The following CARD9 variants were observed in gnomAD, a reference collection of about 807,000 sequenced individuals.
CARD9 encodes the protein caspase recruitment domain-containing protein 9.
CARD9 carries 53 observed loss-of-function variants against 66.0 expected under a neutral mutation model. That is an observed-to-expected ratio of 0.80 (90% CI 0.64 to 1.01). The LOEUF (loss-of-function observed/expected upper bound fraction) is 1.01, where lower values mean the gene tolerates loss of function less well. CARD9 is among the 50% of genes least tolerant of loss of function. The pLI is 0.00. For synonymous variants in CARD9, 387 were observed against 313.8 expected, an observed-to-expected ratio of 1.23 and a Z score of -2.47; for missense variants, 769 against 743.2, an observed-to-expected ratio of 1.03 and a Z score of -0.40.
Position 136,365,140 on chromosome 9 carries a change from C to T in CARD9, c.1434+1G>A, listed in dbSNP as rs141992399. ...AGGACCCCACCCCGGGGAAGCCTTACATGGGGGTTCCGCAAAACCTGCTCC... is the reference window on the plus strand; with the variant it reads ...AGGACCCCACCCCGGGGAAGCCTTATATGGGGGTTCCGCAAAACCTGCTCC... On this transcript the variant is annotated splice_donor_variant, in intron 11 of 12. Transcript: ENST00000371732. LOFTEE classifies it high-confidence loss of function. 4.3e-6 allele frequency: 7 copies of T among 1,612,186 alleles called. No homozygotes were observed. Among genetic ancestry groups the T allele is most frequent in the South Asian group, 2.2e-5 (2 of 91,084 alleles).
chr9:136,367,768 C>T lies in CARD9; in HGVS notation c.1138G>A (p.Ala380Thr), dbSNP rs139646302. The T allele has an allele frequency of 7.5e-6, 12 of 1,604,718 alleles. No individual in the cohort carries two copies. Among genetic ancestry groups the T allele is most frequent in the African/African-American group, 6.7e-5 (5 of 74,924 alleles). ...AGCTCCCGCACCTGCTTGCGCAGCG[C>T]GTCCTTCTCCTGCAGGCCCCGGGCG... is the stretch of plus-strand genomic sequence containing the variant. ...QHARGLQEKD[A>T]LRKQVRELGE... The change falls in exon 8 of 13, where the codon GCG (alanine) becomes ACG (threonine). Residue 380 changes from alanine to threonine, a missense_variant. Transcript: ENST00000371732.
At chr9:136,366,709 C>T (rs778875434) in intron 10 of CARD9, 91 bp downstream of exon 10, 247 of 1,375,236 alleles carry the variant, frequency 1.8e-4, no homozygotes, top group Non-Finnish European at 1.9e-4. Context: ...GGGGTTGACA[C>T]AGGCATTGCG....
In CARD9 at chr9:136,370,327, C is replaced by T. The variant is rs1158158279; in HGVS notation, c.918G>A (p.Lys306=). ...EQANTIFSLR[K]DLRQGEARRL... Reference sequence around the variant, plus strand: ...GTCGGGCCTCGCCCTGGCGGAGGTCCTTGCGCAGGGAGAAGATGGTGTTGG... The same window carrying T: ...GTCGGGCCTCGCCCTGGCGGAGGTCTTTGCGCAGGGAGAAGATGGTGTTGG... The change falls in exon 6 of 13, where the codon AAG becomes AAA. Residue 306 remains lysine, a synonymous_variant. Transcript: ENST00000371732. The T allele has an allele frequency of 6.2e-7, 1 of 1,608,534 alleles. No homozygotes were observed. The highest frequency in any genetic ancestry group is 8.5e-7 in the Non-Finnish European group (1 of 1,179,182).
Position 136,369,761 on chromosome 9 carries a change from C to A in CARD9, c.1066G>T (p.Glu356Ter). ...CTGCGAGTGCCCACCTGGTCCCGCT[C>A]AATGGCGACCTCCTCCATCTGCAGC... ...ILLQMEEVAI[E>*]RDQAIATREE... The change falls in exon 7 of 13, where the codon GAG becomes TAG. Residue 356 changes from glutamate to a stop codon, truncating the protein, a stop_gained. Coordinates refer to ENST00000371732, the MANE Select transcript of CARD9 (RefSeq NM_052813.5). LOFTEE classifies it high-confidence loss of function. 1 of 1,604,204 alleles carries A rather than the reference C, an allele frequency of 6.2e-7. No individual in the cohort carries two copies. Among genetic ancestry groups the A allele is most frequent in the East Asian group, 2.2e-5 (1 of 44,690 alleles).
Position 136,363,982 on chromosome 9 carries a change from C to G in CARD9, c.*320G>C. ...GCGGGTCACCCGTGCTGTTTATTTA[C>G]GCAGCTGTGTTTTCTAACACTAATA... is the stretch of plus-strand genomic sequence containing the variant. On this transcript the variant is annotated 3_prime_UTR_variant, in exon 13 of 13. Coordinates refer to ENST00000371732, the MANE Select transcript of CARD9 (RefSeq NM_052813.5). 8.5e-7 allele frequency: 1 copy of G among 1,176,626 alleles called. No homozygotes were observed. 72.9% of individuals were successfully genotyped at this position (1,176,626 alleles called of 1,614,324 possible). A position where few individuals can be genotyped will look rare whatever the true frequency, so the allele number is the denominator to read the frequency against.
At chr9:136,372,858 G>A (rs1833308628) in intron 1 of CARD9, among the ~76,000 whole-genome samples, 1 of 152,244 alleles carries the variant, frequency 6.6e-6, no homozygotes, top group Non-Finnish European at 1.5e-5. Context: ...GGCCAGGAGT[G>A]CTGCTGCGGT....
At chr9:136,365,284 AC>A in intron 10 of CARD9, 67 bp from the exon 11 acceptor site, 1 of 1,486,300 alleles carries the variant, frequency 6.7e-7, no homozygotes, top group Non-Finnish European at 9.2e-7. Context: ...CGGCTGCCCC[AC>A]CCCTCCCCGG....
At chr9:136,365,055 G>T in intron 11 of CARD9, 86 bp downstream of exon 11, 2 of 1,352,560 alleles carry the variant, frequency 1.5e-6, no homozygotes, top group Non-Finnish European at 2.1e-6. Context: ...CACCGCAGGG[G>T]GTGCCCAGGG....
intron 11 of CARD9, 101 bp downstream of exon 11, chr9:136,365,040 G>A (rs1393023011): frequency 6.1e-6 from 7 of 1,148,620 alleles, no homozygotes; most frequent in East Asian, 4.8e-5. Flanking sequence ...AGCTGTCGTC[G>A]GGGCCACCGC....
At chr9:136,372,149 C>T in intron 1 of CARD9, 55 bp from the exon 2 acceptor site, 1 of 1,592,542 alleles carries the variant, frequency 6.3e-7, no homozygotes. Flanking sequence ...CCCACCCGGG[C>T]CCAGCTCCCA....
intron 7 of CARD9, among the ~76,000 whole-genome samples, chr9:136,368,613 A>G (rs539155078): frequency 6.6e-6 from 1 of 152,156 alleles, no homozygotes; most frequent in South Asian, 2.1e-4. Context: ...ATTGGAAACA[A>G]CCTCCAGGAT....
chr9:136,368,693 G>T (rs970537510), intron 7 of CARD9, among the ~76,000 whole-genome samples: 2 of 152,240 alleles, frequency 1.3e-5, no homozygotes, highest in South Asian at 4.1e-4. Context: ...CTCACAGCAC[G>T]TAGCACTGGA....
At chr9:136,371,573 C>G (rs1245317021) in intron 2 of CARD9, 112 bp from the exon 3 acceptor site, 1 of 1,466,690 alleles carries the variant, frequency 6.8e-7, no homozygotes, top group Non-Finnish European at 9.1e-7. Context: ...TGAGGTGTGC[C>G]GTGGTCTGGG....
Position 136,370,319 on chromosome 9 carries a change from C to T in CARD9, c.926G>A (p.Arg309His), listed in dbSNP as rs1420017314. 1.6e-5 allele frequency: 26 copies of T among 1,607,112 alleles called. No individual in the cohort carries two copies. The highest frequency in any genetic ancestry group is 2.2e-5 in the South Asian group (2 of 90,610). Residue 309 changes from arginine to histidine, a missense_variant, in exon 6 of 13, where the codon CGC (arginine) becomes CAC (histidine). Coordinates refer to ENST00000371732, the MANE Select transcript of CARD9 (RefSeq NM_052813.5). ...NTIFSLRKDL[R>H]QGEARRLRCM... ...CCGGAGGCGTCGGGCCTCGCCCTGG[C>T]GGAGGTCCTTGCGCAGGGAGAAGAT...
Position 136,364,575 on chromosome 9 carries a change from G to A in CARD9, c.1435-16C>T. 1 of 1,535,068 alleles carries A rather than the reference G, an allele frequency of 6.5e-7. No individual in the cohort carries two copies. The highest frequency in any genetic ancestry group is 8.7e-7 in the Non-Finnish European group (1 of 1,144,790). On this transcript the variant is annotated splice_polypyrimidine_tract_variant and intron_variant, in intron 11 of 12. Coordinates refer to ENST00000371732, the MANE Select transcript of CARD9 (RefSeq NM_052813.5). ...GGCCTGCGTCCTGGAGAAGGGGGAA[G>A]GCTCGGGCTCCGGCCGGCTCCCCTG...
intron 9 of CARD9, 66 bp downstream of exon 9, chr9:136,367,150 G>C (rs1833142967): frequency 2.0e-6 from 3 of 1,537,742 alleles, no homozygotes; most frequent in South Asian, 2.3e-5. Flanking sequence ...GCTATGCCTG[G>C]TGGCAGCTCA....
At chr9:136,366,618 CTG>C (rs768827616) in intron 10 of CARD9, 180 bp downstream of exon 10, 100 of 681,872 alleles carry the variant, frequency 1.5e-4, no homozygotes, top group Admixed American at 3.8e-4. Flanking sequence ...CAGCTGGGCT[CTG>C]TAGTTTGTTC....
chr9:136,373,660 G>A lies in CARD9; in HGVS notation c.-145C>T. On this transcript the variant is annotated 5_prime_UTR_variant, in exon 1 of 13. Transcript: ENST00000371732. The stretch of plus-strand genomic sequence containing the variant: ...CCGGACGCCTGTGCACTTCCTGATG[G>A]GTTCTGCTTAACTCCACAGTCCCGC... 1.2e-6 allele frequency: 1 copy of A among 805,806 alleles called. No individual in the cohort carries two copies. Among genetic ancestry groups the A allele is most frequent in the South Asian group, 5.6e-5 (1 of 17,846 alleles). 49.9% of individuals were successfully genotyped at this position (805,806 alleles called of 1,614,324 possible).
At position 136,371,155 on chromosome 9, in the gene CARD9, A is replaced by G. The variant is rs1833260325; in HGVS notation, c.323-10T>C. On this transcript the variant is annotated splice_polypyrimidine_tract_variant and intron_variant, in intron 3 of 12. Transcript: ENST00000371732. ...GACTCCCCGGACGCGTCTGTGGGCC[A>G]GGCCAGTGTCAGATGGTGCCGTGTT... 1.9e-6 allele frequency: 3 copies of G among 1,611,954 alleles called. No individual in the cohort carries two copies. Among genetic ancestry groups the G allele is most frequent in the African/African-American group, 1.3e-5 (1 of 75,032 alleles).
Sources: allele counts gnomAD v4.1 joint callset (sites outside exome capture counted in the v4.1 genomes callset), GRCh38; gene constraint gnomAD v4.1.1; transcripts MANE v1.5; gene names NCBI Gene and HGNC (gene_info 2026-07-23, HGNC 2026-07-21).